Variants in RASAL2 observed in about 807,000 individuals in gnomAD.
RASAL2 encodes the protein RAS protein activator like 2, also known as ras GTPase-activating protein nGAP.
Under a neutral mutation model 128.9 loss-of-function variants are expected in RASAL2, and 58 were observed. That is an observed-to-expected ratio of 0.45 (90% CI 0.36 to 0.56). RASAL2 has a LOEUF of 0.56. Among genes scored for constraint, RASAL2 ranks in the 20% least tolerant of loss-of-function variants. The pLI, the probability that RASAL2 is intolerant of heterozygous loss-of-function variation, is 0.00. For synonymous variants in RASAL2, 561 were observed against 580.8 expected, an observed-to-expected ratio of 0.97 and a Z score of 0.49; for missense variants, 1,360 against 1,601.6, an observed-to-expected ratio of 0.85 and a Z score of 2.57.
At chr1:178,242,998 C>CT (rs1242258738) in intron 1 of RASAL2, among the ~76,000 whole-genome samples, 2 of 150,960 alleles carry the variant, frequency 1.3e-5, no homozygotes, top group Non-Finnish European at 3.0e-5. Context: ...AGTTGATTGT[C>CT]TTTTTTCATT....
chr1:178,294,482 T>C (rs1038381092), intron 2 of RASAL2, among the ~76,000 whole-genome samples: 4 of 152,190 alleles, frequency 2.6e-5, no homozygotes, highest in Non-Finnish European at 5.9e-5. Flanking sequence ...GAAGAAACTG[T>C]TGCAGGAGTT....
intron 3 of RASAL2, among the ~76,000 whole-genome samples, chr1:178,371,353 A>ACACACACACACAC (rs59882717): frequency 9.1e-6 from 1 of 109,638 alleles, no homozygotes; most frequent in African/African-American, 4.6e-5. Flanking sequence ...CACACACACA[A>ACACACACACACAC]ATACACACAC....
intron 1 of RASAL2, among the ~76,000 whole-genome samples, chr1:178,173,954 T>TC (rs1365608819): frequency 1.3e-5 from 2 of 151,362 alleles, no homozygotes; most frequent in Non-Finnish European, 2.9e-5. Context: ...TCTCCTTAAT[T>TC]CCCCCCTCCC....
At chr1:178,324,850 G>A (rs1362759921) in intron 3 of RASAL2, among the ~76,000 whole-genome samples, 1 of 152,044 alleles carries the variant, frequency 6.6e-6, no homozygotes, top group East Asian at 1.9e-4. Context: ...TTAATTTTAT[G>A]TGCGAAACAG....
At chr1:178,181,105 T>G (rs1410692301) in intron 1 of RASAL2, among the ~76,000 whole-genome samples, 1 of 152,132 alleles carries the variant, frequency 6.6e-6, no homozygotes, top group African/African-American at 2.4e-5. Flanking sequence ...GCTAAAGATT[T>G]TTCAGTTTTA....
chr1:178,109,799 A>T (rs1339287232), intron 1 of RASAL2, among the ~76,000 whole-genome samples: 1 of 152,102 alleles, frequency 6.6e-6, no homozygotes, highest in Non-Finnish European at 1.5e-5. Context: ...AGGTGGGAGA[A>T]TCTCTTGAGG....
chr1:178,273,501 C>T (rs1571754833), intron 1 of RASAL2, among the ~76,000 whole-genome samples: 1 of 152,242 alleles, frequency 6.6e-6, no homozygotes, highest in South Asian at 2.1e-4. Context: ...TATAAACATA[C>T]CCACTAACAG....
intron 1 of RASAL2, among the ~76,000 whole-genome samples, chr1:178,129,790 C>A (rs890207198): frequency 6.6e-6 from 1 of 151,892 alleles, no homozygotes; most frequent in Non-Finnish European, 1.5e-5. Context: ...TATTTTTTAG[C>A]CTGTGGATAT....
chr1:178,100,523 C>CA lies in RASAL2; in HGVS notation c.202+5832dup, dbSNP rs1405540634. ...TGGGCAACAGAGCGAGACTCAGTCT[C>CA]AAATAAAAAAAAAAAAAAAAAGTTG... is the stretch of plus-strand genomic sequence containing the variant. On this transcript the variant is annotated intron_variant, in intron 1 of 17. Transcript: ENST00000367649. Among the ~76,000 whole-genome samples, 209 of 132,184 alleles carry CA rather than the reference C, an allele frequency of 1.6e-3. 1 individual carries two copies. Among genetic ancestry groups the CA allele is most frequent in the African/African-American group, 5.4e-3 (195 of 36,022 alleles). 86.7% of individuals were successfully genotyped at this position (132,184 alleles called of 152,430 possible).
intron 14 of RASAL2, 121 bp from the exon 15 acceptor site, chr1:178,464,157 C>A: frequency 8.2e-7 from 1 of 1,225,356 alleles, no homozygotes; most frequent in Non-Finnish European, 1.1e-6. Context: ...ATACTTAAAG[C>A]TAAGAGCATT....
At chr1:178,132,764 GA>G (rs1331968595) in intron 1 of RASAL2, among the ~76,000 whole-genome samples, 1 of 145,034 alleles carries the variant, frequency 6.9e-6, no homozygotes, top group Non-Finnish European at 1.5e-5. Context: ...TTACAATTCA[GA>G]ATTTTTTTTT....
chr1:178,322,892 A>G (rs1289579209), intron 3 of RASAL2, among the ~76,000 whole-genome samples: 1 of 152,172 alleles, frequency 6.6e-6, no homozygotes, highest in Non-Finnish European at 1.5e-5. Context: ...ACAGGTATGT[A>G]TTCTGGGTTC....
rs138942496 is a variant in RASAL2, at chr1:178,458,021, C to T, written c.2729C>T (p.Ala910Val). ...APQVRRPLHP[A>V]LNQPGGLQPL... ...CAAGTGAGAAGGCCCCTGCACCCAG[C>T]CTTGAACCAGCCAGGTGGCCTTCAG... The change falls in exon 14 of 18, where the codon GCC (alanine) becomes GTC (valine). Residue 910 changes from alanine (A) to valine (V), a missense_variant. Ala to Val is a moderately conservative substitution (Grantham distance 64). This residue lies in a region of RASAL2 where 741 missense variants were observed against 868.6 expected (regional missense o/e 0.85). Coordinates refer to ENST00000367649, the MANE Select transcript of RASAL2 (RefSeq NM_170692.4). 4.1e-5 allele frequency: 66 copies of T among 1,614,072 alleles called. No homozygotes were observed. The African/African-American group carries it at 8.4e-4, about 21-fold the overall frequency.
intron 1 of RASAL2, among the ~76,000 whole-genome samples, chr1:178,184,484 TTTTAG>T (rs922523056): frequency 2.6e-5 from 4 of 152,024 alleles, no homozygotes; most frequent in East Asian, 1.9e-4. Flanking sequence ...TGTGTTCCAT[TTTTAG>T]TTTATTTTGT....
chr1:178,347,456 T>A (rs1219230530), intron 3 of RASAL2, among the ~76,000 whole-genome samples: 1 of 152,174 alleles, frequency 6.6e-6, no homozygotes, highest in Non-Finnish European at 1.5e-5. Context: ...TAACGTTTGA[T>A]CATAATATAT....
chr1:178,338,295 A>G (rs549033340), intron 3 of RASAL2, among the ~76,000 whole-genome samples: 168 of 151,720 alleles, frequency 1.1e-3, no homozygotes, highest in African/African-American at 4.0e-3. Flanking sequence ...ACGCCTGGCT[A>G]ATTTTTGTAT....
At position 178,233,848 on chromosome 1, in the gene RASAL2, AAGG is replaced by A. The variant is rs551868930; in HGVS notation, c.203-49713_203-49711del. On this transcript the variant is annotated intron_variant, in intron 1 of 17. Transcript: ENST00000367649. The stretch of plus-strand genomic sequence containing the variant: ...GGCTTCTCCAGGATGCTGAATCTAA[AAGG>A]AGAATCAACCAATGAGCCAGTAAGA... 1.5e-3 allele frequency among the ~76,000 whole-genome samples: 234 copies of A among 152,330 alleles called. 1 individual carries two copies. Among genetic ancestry groups the A allele is most frequent in the African/African-American group, 5.4e-3 (224 of 41,580 alleles).
chr1:178,367,978 G>C (rs979659644), intron 3 of RASAL2, among the ~76,000 whole-genome samples: 1 of 152,130 alleles, frequency 6.6e-6, no homozygotes, highest in Non-Finnish European at 1.5e-5. Flanking sequence ...AAAAAAATTT[G>C]TATTGGAACA....
intron 1 of RASAL2, among the ~76,000 whole-genome samples, chr1:178,098,445 C>T (rs556522507): frequency 7.0e-4 from 107 of 152,262 alleles, no homozygotes; most frequent in African/African-American, 2.3e-3. Flanking sequence ...CGAAAGGAAA[C>T]GGGAGTGGCA....
Sources: gnomAD v4.1 joint callset for allele counts (sites outside exome capture counted in the v4.1 genomes callset) on GRCh38, gnomAD v4.1.1 for gene constraint, gnomAD v4.1.1 regional missense constraint, MANE v1.5 for transcripts, NCBI Gene and HGNC (gene_info 2026-07-23, HGNC 2026-07-21) for gene names.